SLIT3: variants seen among roughly 807,000 people sequenced by gnomAD.
SLIT3 encodes slit guidance ligand 3.
A neutral mutation model predicts 184.0 loss-of-function variants in SLIT3; 68 were observed. The observed-to-expected ratio is 0.37, with a 90% CI of 0.30 to 0.45. The LOEUF is 0.45. SLIT3 is among the 20% of genes least tolerant of loss of function. SLIT3 has a pLI of 1.00. For synonymous variants in SLIT3, 831 were observed against 828.6 expected, an observed-to-expected ratio of 1.00 and a Z score of -0.05; for missense variants, 1,707 against 2,026.0, an observed-to-expected ratio of 0.84 and a Z score of 3.02.
intron 4 of SLIT3, among the ~76,000 whole-genome samples, chr5:169,123,076 T>C (rs1481182190): frequency 6.6e-6 from 1 of 152,074 alleles, no homozygotes; most frequent in Non-Finnish European, 1.5e-5. Flanking sequence ...AAACGTTTAC[T>C]ATGAAAAAAC....
At chr5:168,799,854 G>T (rs1756703554) in intron 9 of SLIT3, among the ~76,000 whole-genome samples, 1 of 152,120 alleles carries the variant, frequency 6.6e-6, no homozygotes, top group Admixed American at 6.5e-5. Context: ...GGAAATAATG[G>T]TACGAAGAGG....
chr5:169,056,143 TAAA>T (rs1474119260), intron 4 of SLIT3, among the ~76,000 whole-genome samples: 1 of 152,102 alleles, frequency 6.6e-6, no homozygotes, highest in African/African-American at 2.4e-5. Flanking sequence ...AGTGGGGGTA[TAAA>T]ATCTTCTCCT....
intron 31 of SLIT3, among the ~76,000 whole-genome samples, chr5:168,684,706 A>G (rs1006489094): frequency 3.3e-5 from 5 of 152,094 alleles, no homozygotes; most frequent in African/African-American, 9.7e-5. Context: ...CCGACCTAAA[A>G]TGATTCACCC....
At chr5:169,074,043 G>A (rs1446984243) in intron 4 of SLIT3, among the ~76,000 whole-genome samples, 3 of 152,088 alleles carry the variant, frequency 2.0e-5, no homozygotes, top group African/African-American at 7.2e-5. Context: ...AAAGAAGTGG[G>A]GATTTGGAAA....
At chr5:169,117,381 C>T (rs565371736) in intron 4 of SLIT3, among the ~76,000 whole-genome samples, 3 of 152,296 alleles carry the variant, frequency 2.0e-5, no homozygotes, top group South Asian at 4.1e-4. Context: ...CTGGGCCCTT[C>T]GTGACAATTA....
chr5:169,073,605 G>A (rs1042350557), intron 4 of SLIT3, among the ~76,000 whole-genome samples: 16 of 151,810 alleles, frequency 1.1e-4, no homozygotes. Context: ...GAGGCGTTTG[G>A]GTCATGGAGG....
chr5:168,826,812 AG>A lies in SLIT3; in HGVS notation c.558-3482del, dbSNP rs1343477061. Among the ~76,000 whole-genome samples, 143 of 152,128 alleles carry A rather than the reference AG, an allele frequency of 9.4e-4. 2 individuals carry two copies. Among genetic ancestry groups the A allele is most frequent in the Non-Finnish European group, 1.9e-4 (13 of 68,016 alleles). ...AGTCTCGCTGTGTCGCCCAGGCTGA[AG>A]GGTAGTGGTGTGATCTCGGCTCACT... On this transcript the variant is annotated intron_variant, in intron 6 of 35. Transcript: ENST00000519560.
intron 1 of SLIT3, among the ~76,000 whole-genome samples, chr5:169,259,802 T>C (rs1375549661): frequency 1.3e-5 from 2 of 152,190 alleles, no homozygotes; most frequent in East Asian, 3.8e-4. Context: ...CAGAGCCAAA[T>C]GAATTTTTAG....
At chr5:168,770,675 G>GT (rs1242737623) in intron 14 of SLIT3, among the ~76,000 whole-genome samples, 5 of 151,722 alleles carry the variant, frequency 3.3e-5, no homozygotes, top group Non-Finnish European at 5.9e-5. Context: ...TTTAAAAAAG[G>GT]TATCTTAGAG....
chr5:169,259,833 C>T (rs985112637), intron 1 of SLIT3, among the ~76,000 whole-genome samples: 1 of 149,830 alleles, frequency 6.7e-6, no homozygotes, highest in Non-Finnish European at 1.5e-5. Context: ...ATAGCTTGGT[C>T]CTTGTTTTCA....
intron 9 of SLIT3, among the ~76,000 whole-genome samples, chr5:168,801,646 G>A (rs758736031): frequency 2.6e-5 from 4 of 152,320 alleles, no homozygotes; most frequent in East Asian, 1.9e-4. Flanking sequence ...TCATGAGGGC[G>A]TCTGAAGACC....
intron 35 of SLIT3, among the ~76,000 whole-genome samples, chr5:168,668,849 A>G (rs771167389): frequency 3.9e-4 from 60 of 152,202 alleles, no homozygotes; most frequent in Non-Finnish European, 6.2e-4. Context: ...GGCTGACTGT[A>G]ACCTCCGCCT....
At chr5:168,693,119 CA>C (rs1761955064) in intron 28 of SLIT3, among the ~76,000 whole-genome samples, 1 of 152,206 alleles carries the variant, frequency 6.6e-6, no homozygotes, top group African/African-American at 2.4e-5. Flanking sequence ...GGGGACACAA[CA>C]GTGACTGGGT....
chr5:169,126,650 C>T (rs150087682), intron 4 of SLIT3, among the ~76,000 whole-genome samples: 13 of 152,310 alleles, frequency 8.5e-5, no homozygotes, highest in Non-Finnish European at 1.5e-4. Context: ...TCCCTTGACA[C>T]GACAACATTA....
chr5:169,041,788 G>C (rs1165034508), intron 4 of SLIT3, among the ~76,000 whole-genome samples: 1 of 152,130 alleles, frequency 6.6e-6, no homozygotes, highest in East Asian at 1.9e-4. Context: ...AAGCAGCTGA[G>C]TTTACTCTCT....
intron 6 of SLIT3, among the ~76,000 whole-genome samples, chr5:168,830,115 G>A (rs752926402): frequency 1.3e-4 from 20 of 152,074 alleles, no homozygotes; most frequent in Non-Finnish European, 2.2e-4. Flanking sequence ...GATCGTTATT[G>A]GCTGACTCAG....
intron 5 of SLIT3, among the ~76,000 whole-genome samples, chr5:168,850,032 T>C (rs1367477247): frequency 2.0e-5 from 3 of 152,210 alleles, no homozygotes; most frequent in Non-Finnish European, 4.4e-5. Context: ...GAACAAATTA[T>C]AGAAGCATTT....
chr5:169,034,651 CTA>C (rs1360217313), intron 4 of SLIT3, among the ~76,000 whole-genome samples: 9 of 152,130 alleles, frequency 5.9e-5, no homozygotes, highest in African/African-American at 2.2e-4. Context: ...TGGAGTGTTT[CTA>C]AAAGTCATAA....
intron 3 of SLIT3, among the ~76,000 whole-genome samples, chr5:169,194,124 A>G (rs1334671254): frequency 6.6e-6 from 1 of 151,080 alleles, no homozygotes; most frequent in Non-Finnish European, 1.5e-5. Context: ...AGTCCCAGCT[A>G]CTTGGGAGGC....
Sources: gnomAD v4.1 joint callset for allele counts (sites outside exome capture counted in the v4.1 genomes callset) on GRCh38, gnomAD v4.1.1 for gene constraint, MANE v1.5 for transcripts, NCBI Gene and HGNC (gene_info 2026-07-23, HGNC 2026-07-21) for gene names.